The following ABCA12 variants were observed in gnomAD, a reference collection of about 807,000 sequenced individuals.
ABCA12 encodes the protein glucosylceramide transporter ABCA12.
A neutral mutation model predicts 293.5 loss-of-function variants in ABCA12; 156 were observed. The observed-to-expected ratio is 0.53, with a 90% CI of 0.47 to 0.61. ABCA12 has a LOEUF of 0.61. Among genes scored for constraint, ABCA12 ranks in the 20% least tolerant of loss-of-function variants. ABCA12 has a pLI of 0.00. For missense variants in ABCA12, 2,797 were observed against 3,090.2 expected, an observed-to-expected ratio of 0.91 and a Z score of 2.25; for synonymous variants, 1,063 against 1,108.0, an observed-to-expected ratio of 0.96 and a Z score of 0.81.
chr2:215,000,195 A>G (rs369101290), intron 22 of ABCA12, among the ~76,000 whole-genome samples: 3 of 152,364 alleles, frequency 2.0e-5, no homozygotes, highest in South Asian at 4.1e-4. Flanking sequence ...AACTGATAAT[A>G]CATGAAAGTT....
chr2:215,016,137 C>T (rs1188748373), intron 14 of ABCA12, among the ~76,000 whole-genome samples: 1 of 151,714 alleles, frequency 6.6e-6, no homozygotes, highest in Non-Finnish European at 1.5e-5. Flanking sequence ...GGGTGAGACT[C>T]TGTCTCAAAA....
At chr2:215,076,406 C>T (rs9288503) in intron 2 of ABCA12, among the ~76,000 whole-genome samples, 150,850 of 152,358 alleles carry the variant, frequency 0.99, 74,686 homozygotes, top group Middle Eastern at 1. Context: ...TTTGCTTTTT[C>T]TAAGAAAAAG....
intron 50 of ABCA12, among the ~76,000 whole-genome samples, chr2:214,941,363 T>C (rs1698395365): frequency 6.6e-6 from 1 of 152,206 alleles, no homozygotes; most frequent in Admixed American, 6.5e-5. Flanking sequence ...AGGAGTGTTT[T>C]ACTTCCAATT....
At chr2:214,955,564 C>T (rs1430910099) in intron 42 of ABCA12, among the ~76,000 whole-genome samples, 2 of 152,034 alleles carry the variant, frequency 1.3e-5, no homozygotes, top group East Asian at 1.9e-4. Context: ...GCACCTGTAG[C>T]CCTGGTTATT....
chr2:215,069,736 C>T (rs934744024), intron 2 of ABCA12, among the ~76,000 whole-genome samples: 3 of 152,168 alleles, frequency 2.0e-5, no homozygotes, highest in African/African-American at 7.2e-5. Context: ...ATTCCAGTCC[C>T]TCGGAATGAG....
At chr2:215,070,872 A>C (rs1701723008) in intron 2 of ABCA12, among the ~76,000 whole-genome samples, 1 of 152,082 alleles carries the variant, frequency 6.6e-6, no homozygotes, top group Non-Finnish European at 1.5e-5. Context: ...AAACAAACAA[A>C]AGACATTGGT....
chr2:214,962,611 T>A (rs1003961868), intron 39 of ABCA12: 1 of 152,198 alleles, frequency 6.6e-6, no homozygotes. Context: ...AACAACAGAA[T>A]GTACATTTTT....
intron 2 of ABCA12, among the ~76,000 whole-genome samples, chr2:215,071,835 G>A (rs940868768): frequency 1.3e-5 from 2 of 152,182 alleles, no homozygotes; most frequent in African/African-American, 4.8e-5. Flanking sequence ...CCTGGCTCAT[G>A]CCTTGAGCCA....
intron 2 of ABCA12, among the ~76,000 whole-genome samples, chr2:215,071,861 T>A (rs1701744205): frequency 1.3e-5 from 2 of 152,160 alleles, no homozygotes; most frequent in African/African-American, 4.8e-5. Flanking sequence ...TGGTTTGGAG[T>A]GTTGCATGAT....
At chr2:215,115,995 A>T (rs10206315) in intron 1 of ABCA12, among the ~76,000 whole-genome samples, 50,519 of 152,076 alleles carry the variant, frequency 0.33, 11,901 homozygotes, top group African/African-American at 0.67. Flanking sequence ...TAAAAGTAGA[A>T]ATATCCCCCA....
chr2:215,123,979 C>T (rs960629230), intron 1 of ABCA12, among the ~76,000 whole-genome samples: 4 of 152,118 alleles, frequency 2.6e-5, no homozygotes, highest in Non-Finnish European at 5.9e-5. Flanking sequence ...CCTTTGTGTC[C>T]TCAGAACTTA....
intron 1 of ABCA12, among the ~76,000 whole-genome samples, chr2:215,117,655 A>C (rs1702714219): frequency 6.6e-6 from 1 of 152,234 alleles, no homozygotes; most frequent in Non-Finnish European, 1.5e-5. Flanking sequence ...AATTAATGCT[A>C]GTCTATCTGA....
intron 2 of ABCA12, among the ~76,000 whole-genome samples, chr2:215,071,757 G>A (rs1171690263): frequency 3.9e-5 from 6 of 152,216 alleles, no homozygotes; most frequent in Admixed American, 6.5e-5. Context: ...ATTGCTCATC[G>A]GGCTTCTCTT....
At chr2:214,950,364 A>C (rs56102372) in intron 45 of ABCA12, among the ~76,000 whole-genome samples, 1 of 142,842 alleles carries the variant, frequency 7.0e-6, no homozygotes, top group Non-Finnish European at 1.5e-5. Context: ...ATATATATAT[A>C]TGTGTGTGTA....
chr2:214,934,248 C>G lies in ABCA12; in HGVS notation c.7543-33G>C, dbSNP rs765967742. The G allele has an allele frequency of 4.8e-5, 78 of 1,612,924 alleles. No homozygotes were observed. The Admixed American group carries it at 9.5e-4, about 20-fold the overall frequency. ...AACCAAAGGAAAAAAGTTTATTTTG[C>G]AATGTCTGGTAATGTTGACATGACT... On this transcript the variant is annotated intron_variant, in intron 51 of 52. Coordinates refer to ENST00000272895, the MANE Select transcript of ABCA12 (RefSeq NM_173076.3).
chr2:215,005,693 A>G (rs747497576), intron 19 of ABCA12, among the ~76,000 whole-genome samples: 20 of 152,316 alleles, frequency 1.3e-4, no homozygotes, highest in Admixed American at 3.9e-4. Context: ...CAATTCTCCC[A>G]TCACTCCTTT....
intron 1 of ABCA12, among the ~76,000 whole-genome samples, chr2:215,125,356 G>A (rs568429743): frequency 2.3e-4 from 35 of 152,098 alleles, no homozygotes; most frequent in African/African-American, 8.2e-4. Context: ...TATTTTGATG[G>A]GTATTGCATT....
intron 39 of ABCA12, among the ~76,000 whole-genome samples, chr2:214,959,992 C>T (rs111936560): frequency 6.6e-5 from 10 of 152,218 alleles, no homozygotes; most frequent in African/African-American, 2.2e-4. Context: ...TGAGAGCTTT[C>T]TCACTTAACT....
intron 23 of ABCA12, among the ~76,000 whole-genome samples, chr2:214,991,647 AT>A (rs1699914632): frequency 6.6e-6 from 1 of 152,174 alleles, no homozygotes; most frequent in Non-Finnish European, 1.5e-5. Context: ...CTAGGTCAAT[AT>A]TTGTCATCCT....
Sources: allele counts gnomAD v4.1 joint callset (sites outside exome capture counted in the v4.1 genomes callset), GRCh38; gene constraint gnomAD v4.1.1; transcripts MANE v1.5; gene names NCBI Gene and HGNC (gene_info 2026-07-23, HGNC 2026-07-21).